The following PEX5L variants were observed in gnomAD, a reference collection of about 807,000 sequenced individuals.
The protein encoded by PEX5L is peroxisomal biogenesis factor 5 like.
Under a neutral mutation model 84.0 loss-of-function variants are expected in PEX5L, and 30 were observed. The observed-to-expected ratio is 0.36, with a 90% CI of 0.27 to 0.48. The LOEUF (loss-of-function observed/expected upper bound fraction) is 0.48. PEX5L is among the 20% of genes least tolerant of loss of function. The probability of loss-of-function intolerance (pLI) is 0.99; values close to 1 mark genes in which losing one functional copy is unlikely to be tolerated. For missense variants in PEX5L, 533 were observed against 754.6 expected, an observed-to-expected ratio of 0.71 and a Z score of 3.44; for synonymous variants, 270 against 283.1, an observed-to-expected ratio of 0.95 and a Z score of 0.46.
chr3:179,940,705 G>A (rs972366086), intron 2 of PEX5L, among the ~76,000 whole-genome samples: 9 of 152,136 alleles, frequency 5.9e-5, no homozygotes, highest in African/African-American at 1.4e-4. Flanking sequence ...AGAGCAAGAC[G>A]TAACTCCTTA....
At chr3:179,836,564 CCT>C (rs1008378104) in intron 8 of PEX5L, among the ~76,000 whole-genome samples, 1 of 152,012 alleles carries the variant, frequency 6.6e-6, no homozygotes, top group Non-Finnish European at 1.5e-5. Context: ...CTTTTGGGTC[CCT>C]GTTTCTGTTT....
At chr3:179,920,486 T>A (rs977434688) in intron 2 of PEX5L, among the ~76,000 whole-genome samples, 3 of 152,128 alleles carry the variant, frequency 2.0e-5, no homozygotes, top group Admixed American at 2.0e-4. Context: ...TGTTATGAAG[T>A]GGGAAAAGGG....
In PEX5L at chr3:179,815,945, G is replaced by A; in HGVS notation, c.999C>T (p.Gly333=). The change falls in exon 10 of 15, where the codon GGC becomes GGT. Residue 333 remains glycine, a synonymous_variant. Transcript: ENST00000467460. ...GATCCCCTTCCTTCAGCCTTTTTAA[G>A]CCTTCTTCAAATGCTCCAGGCCAGT... ...FKDWPGAFEE[G]LKRLKEGDLP... is the part of the protein sequence containing the mutation. 1.9e-6 allele frequency: 3 copies of A among 1,614,102 alleles called. No homozygotes were observed. Among genetic ancestry groups the A allele is most frequent in the Non-Finnish European group, 2.5e-6 (3 of 1,179,954 alleles).
At chr3:179,838,380 CA>C (rs1216707634) in intron 8 of PEX5L, among the ~76,000 whole-genome samples, 1 of 152,166 alleles carries the variant, frequency 6.6e-6, no homozygotes, top group Non-Finnish European at 1.5e-5. Flanking sequence ...CCTCAAAACA[CA>C]AACATTCAAT....
intron 2 of PEX5L, among the ~76,000 whole-genome samples, chr3:179,949,147 A>C (rs1177518975): frequency 6.6e-6 from 1 of 152,140 alleles, no homozygotes; most frequent in Non-Finnish European, 1.5e-5. Flanking sequence ...GTGTTGCAAT[A>C]TTCTATTTTA....
At chr3:179,904,242 C>T (rs566071974) in intron 2 of PEX5L, among the ~76,000 whole-genome samples, 1 of 152,326 alleles carries the variant, frequency 6.6e-6, no homozygotes, top group East Asian at 1.9e-4. Flanking sequence ...AACAGGTGCA[C>T]ATTTCTTCAG....
In PEX5L at chr3:179,960,794, T is replaced by C. The variant is rs1240113570; in HGVS notation, c.93+10800A>G. Among the ~76,000 whole-genome samples the C allele has an allele frequency of 2.0e-5, 3 of 152,304 alleles. No homozygotes were observed. The East Asian group carries it at 5.8e-4, about 29-fold the overall frequency. Reference sequence around the variant, plus strand: ...ATGAAATCCATCAACTTATGCAACATAGCTCATTTTTTTCAGGGACTACTC... The same window carrying C: ...ATGAAATCCATCAACTTATGCAACACAGCTCATTTTTTTCAGGGACTACTC... On this transcript the variant is annotated intron_variant, in intron 2 of 14. Coordinates refer to ENST00000467460, the MANE Select transcript of PEX5L (RefSeq NM_016559.3).
At chr3:179,807,155 G>A (rs971359414) in intron 14 of PEX5L, among the ~76,000 whole-genome samples, 2 of 152,184 alleles carry the variant, frequency 1.3e-5, no homozygotes, top group African/African-American at 4.8e-5. Context: ...TATAAGCCCA[G>A]TTGTGTTTTT....
chr3:179,832,378 A>T (rs890963875), intron 8 of PEX5L, among the ~76,000 whole-genome samples: 12 of 151,292 alleles, frequency 7.9e-5, no homozygotes, highest in Non-Finnish European at 1.5e-4. Flanking sequence ...CAACCTACCT[A>T]CTTATCCACC....
intron 2 of PEX5L, among the ~76,000 whole-genome samples, chr3:179,945,661 G>A (rs1400333185): frequency 6.6e-6 from 1 of 152,158 alleles, no homozygotes; most frequent in Non-Finnish European, 1.5e-5. Context: ...TAACAGAATT[G>A]TACCTTCCGT....
chr3:179,950,596 G>T (rs1181847169), intron 2 of PEX5L, among the ~76,000 whole-genome samples: 1 of 152,070 alleles, frequency 6.6e-6, no homozygotes, highest in Non-Finnish European at 1.5e-5. Context: ...TCTATTGAGG[G>T]CCCATTGCAT....
At chr3:179,973,967 C>T (rs1785406250) in intron 1 of PEX5L, 1 of 985,440 alleles carries the variant, frequency 1.0e-6, no homozygotes, top group South Asian at 4.7e-5. Context: ...CCCCATAACC[C>T]CGGGGGGATT....
chr3:179,827,849 A>C (rs1731109671), intron 8 of PEX5L, among the ~76,000 whole-genome samples: 1 of 152,136 alleles, frequency 6.6e-6, no homozygotes, highest in Non-Finnish European at 1.5e-5. Flanking sequence ...TCTGACAGAA[A>C]ATTCAGTGAC....
At chr3:179,830,254 A>G (rs1051834772) in intron 8 of PEX5L, among the ~76,000 whole-genome samples, 2 of 151,672 alleles carry the variant, frequency 1.3e-5, no homozygotes, top group African/African-American at 4.9e-5. Flanking sequence ...TGTATTGATC[A>G]TATTGCCCTG....
chr3:180,030,235 C>T (rs928234574), intron 1 of PEX5L, among the ~76,000 whole-genome samples: 1 of 152,156 alleles, frequency 6.6e-6, no homozygotes, highest in Non-Finnish European at 1.5e-5. Context: ...CACTGGGTTT[C>T]TCCACAAGGC....
chr3:179,866,008 T>G (rs535147198), intron 7 of PEX5L, among the ~76,000 whole-genome samples: 3 of 152,300 alleles, frequency 2.0e-5, no homozygotes, highest in Non-Finnish European at 4.4e-5. Flanking sequence ...GGAAACATCT[T>G]GGGTTTACAA....
intron 2 of PEX5L, among the ~76,000 whole-genome samples, chr3:179,917,299 C>G (rs1767533346): frequency 6.6e-6 from 1 of 151,916 alleles, no homozygotes; most frequent in Admixed American, 6.6e-5. Context: ...GGAATCCTTC[C>G]TTACAGACCT....
intron 6 of PEX5L, among the ~76,000 whole-genome samples, chr3:179,874,868 G>A (rs1272795586): frequency 1.3e-5 from 2 of 150,290 alleles, no homozygotes; most frequent in African/African-American, 2.4e-5. Flanking sequence ...GTAGGAGACG[G>A]AAGCCAGACA....
chr3:180,005,070 A>G (rs1230387963), intron 1 of PEX5L, among the ~76,000 whole-genome samples: 1 of 152,134 alleles, frequency 6.6e-6, no homozygotes, highest in Non-Finnish European at 1.5e-5. Context: ...ATGTTTAAGC[A>G]TAAGAGAGTA....
Sources: allele counts gnomAD v4.1 joint callset (sites outside exome capture counted in the v4.1 genomes callset), GRCh38; gene constraint gnomAD v4.1.1; transcripts MANE v1.5; gene names NCBI Gene and HGNC (gene_info 2026-07-23, HGNC 2026-07-21).